RELN: variants seen among roughly 807,000 people sequenced by gnomAD.
RELN encodes the protein reelin.
RELN carries 108 observed loss-of-function variants against 427.6 expected under a neutral mutation model. The ratio of observed to expected loss-of-function variants is 0.25; its 90% CI spans 0.22 to 0.30. RELN has a LOEUF of 0.30. RELN is among the 10% of genes least tolerant of loss of function. RELN has a pLI of 1.00. For synonymous variants in RELN, 1,524 were observed against 1,513.4 expected, an observed-to-expected ratio of 1.01 and a Z score of -0.16; for missense variants, 3,715 against 4,302.8, an observed-to-expected ratio of 0.86 and a Z score of 3.82.
intron 28 of RELN, among the ~76,000 whole-genome samples, chr7:103,577,754 G>A (rs1831037573): frequency 2.0e-5 from 3 of 152,154 alleles, no homozygotes; most frequent in Admixed American, 2.0e-4. Context: ...CCAAAAGATA[G>A]ACTGCATGTC....
intron 45 of RELN, 119 bp downstream of exon 45, chr7:103,538,959 A>C: frequency 2.7e-6 from 3 of 1,111,666 alleles, no homozygotes; most frequent in Non-Finnish European, 4.0e-6. Context: ...GTTTGACTCA[A>C]AGTGCACTTG....
At chr7:103,503,500 T>C (rs546548134) in intron 51 of RELN, among the ~76,000 whole-genome samples, 2 of 152,328 alleles carry the variant, frequency 1.3e-5, no homozygotes, top group East Asian at 3.9e-4. Context: ...GCTGAATGCC[T>C]TGGAAGGCCT....
intron 8 of RELN, among the ~76,000 whole-genome samples, chr7:103,713,348 C>G (rs532522492): frequency 6.6e-6 from 1 of 152,318 alleles, no homozygotes; most frequent in African/African-American, 2.4e-5. Flanking sequence ...ACTCAGAACT[C>G]CCTGCTACAA....
intron 2 of RELN, among the ~76,000 whole-genome samples, chr7:103,912,377 G>C (rs1326366614): frequency 6.6e-6 from 1 of 151,916 alleles, no homozygotes; most frequent in African/African-American, 2.4e-5. Context: ...GTAGAGATGG[G>C]GTTTGACTAT....
chr7:103,581,797 C>T (rs923760229), intron 28 of RELN, among the ~76,000 whole-genome samples: 118 of 151,988 alleles, frequency 7.8e-4, no homozygotes, highest in African/African-American at 2.7e-3. Context: ...TGGAGCCCGC[C>T]GAACTGAAAA....
chr7:103,886,564 A>T (rs1483502005), intron 2 of RELN, among the ~76,000 whole-genome samples: 1 of 152,224 alleles, frequency 6.6e-6, no homozygotes, highest in Non-Finnish European at 1.5e-5. Flanking sequence ...TTGTGTGAAC[A>T]TGAAAGTCAT....
intron 1 of RELN, among the ~76,000 whole-genome samples, chr7:103,979,952 G>T (rs979195455): frequency 6.6e-6 from 1 of 151,978 alleles, no homozygotes; most frequent in Non-Finnish European, 1.5e-5. Flanking sequence ...ACCTGAGGTC[G>T]GGAGTGCGAG....
In RELN at chr7:103,922,726, A is replaced by G. The variant is rs182111232; in HGVS notation, c.227-5541T>C. On this transcript the variant is annotated intron_variant, in intron 1 of 64. Transcript: ENST00000428762. ...GACCCTAATACCATTCTTGCAGAAA[A>G]TCACTGTAAGATGAAAGTCTAAAAG... Among the ~76,000 whole-genome samples, 8 of 152,302 alleles carry G rather than the reference A, an allele frequency of 5.3e-5. No individual in the cohort carries two copies. In the East Asian group the frequency reaches 1.5e-3, roughly 29 times the overall value.
chr7:103,740,872 T>C (rs895363508), intron 6 of RELN, among the ~76,000 whole-genome samples: 1 of 151,424 alleles, frequency 6.6e-6, no homozygotes, highest in African/African-American at 2.5e-5. Context: ...AGGGGGAAAA[T>C]ATGCTCTTAT....
intron 1 of RELN, among the ~76,000 whole-genome samples, chr7:103,969,127 T>C (rs150652409): frequency 1.5e-3 from 209 of 142,950 alleles, no homozygotes; most frequent in African/African-American, 5.4e-3. Flanking sequence ...TTCCCACTCA[T>C]AAAACAGAGG....
intron 2 of RELN, among the ~76,000 whole-genome samples, chr7:103,914,403 C>T (rs1795437318): frequency 6.6e-6 from 1 of 152,040 alleles, no homozygotes; most frequent in South Asian, 2.1e-4. Context: ...GCCAAGTCTC[C>T]TCAAGTCATC....
intron 7 of RELN, among the ~76,000 whole-genome samples, chr7:103,727,009 T>C (rs561670750): frequency 3.3e-5 from 5 of 152,142 alleles, no homozygotes; most frequent in Non-Finnish European, 7.4e-5. Context: ...CTTGTATCTT[T>C]AATAAATTAA....
chr7:103,681,379 C>A (rs980641462), intron 11 of RELN, among the ~76,000 whole-genome samples: 73 of 152,230 alleles, frequency 4.8e-4, no homozygotes, highest in African/African-American at 1.8e-3. Context: ...ATTTCATATT[C>A]ATTATGAAAT....
chr7:103,516,239 T>A (rs1278582884), intron 49 of RELN, among the ~76,000 whole-genome samples: 1 of 151,992 alleles, frequency 6.6e-6, no homozygotes, highest in African/African-American at 2.4e-5. Context: ...ATAAAATCTG[T>A]TGGGGAAGAT....
intron 3 of RELN, among the ~76,000 whole-genome samples, chr7:103,787,143 A>T (rs956724036): frequency 2.0e-5 from 3 of 152,212 alleles, no homozygotes; most frequent in African/African-American, 7.2e-5. Context: ...AAACTCTTTG[A>T]AACCAATGAG....
chr7:103,688,439 T>C (rs1028010752), intron 10 of RELN, among the ~76,000 whole-genome samples: 5 of 152,060 alleles, frequency 3.3e-5, no homozygotes, highest in African/African-American at 9.7e-5. Flanking sequence ...AGGTGCCCAA[T>C]TGAACATTGC....
intron 4 of RELN, among the ~76,000 whole-genome samples, chr7:103,761,896 A>G (rs891839318): frequency 2.0e-5 from 3 of 152,196 alleles, no homozygotes; most frequent in Non-Finnish European, 4.4e-5. Flanking sequence ...CTGAGAACAT[A>G]TGGCTTTTAA....
At position 103,898,770 on chromosome 7, in the gene RELN, G is replaced by A. The variant is rs1382312757; in HGVS notation, c.337+18305C>T. Among the ~76,000 whole-genome samples the A allele has an allele frequency of 3.3e-5, 5 of 152,054 alleles. No homozygotes were observed. The South Asian group carries it at 8.3e-4, about 25-fold the overall frequency. On this transcript the variant is annotated intron_variant, in intron 2 of 64. Transcript: ENST00000428762. The stretch of plus-strand genomic sequence containing the variant: ...AGACTTTTCTATTAGGAAATTGGTT[G>A]TTTAAAAGCTAAAGGCTCCTTTAAA...
intron 50 of RELN, among the ~76,000 whole-genome samples, chr7:103,511,866 G>T (rs1296547654): frequency 1.3e-5 from 2 of 152,110 alleles, no homozygotes; most frequent in Non-Finnish European, 2.9e-5. Flanking sequence ...TTTAAAAAAT[G>T]AAATATACAT....
Sources: allele counts gnomAD v4.1 joint callset (sites outside exome capture counted in the v4.1 genomes callset), GRCh38; gene constraint gnomAD v4.1.1; transcripts MANE v1.5; gene names NCBI Gene and HGNC (gene_info 2026-07-23, HGNC 2026-07-21).